Variants in MAP7 observed in about 807,000 individuals in gnomAD.
MAP7 encodes microtubule associated protein 7, also known as ensconsin.
MAP7 carries 52 observed loss-of-function variants against 94.8 expected under a neutral mutation model. The ratio of observed to expected loss-of-function variants is 0.55; its 90% confidence interval spans 0.44 to 0.69. The LOEUF (loss-of-function observed/expected upper bound fraction) is 0.69, where lower values mean the gene tolerates loss of function less well. Ranked by LOEUF, MAP7 falls within the 30% of genes least tolerant of loss-of-function variation. The pLI is 0.00. For missense variants in MAP7, 940 were observed against 964.6 expected (o/e 0.97, Z 0.34); for synonymous variants, 350 against 357.0 (o/e 0.98, Z 0.22).
intron 8 of MAP7, among the ~76,000 whole-genome samples, chr6:136,369,591 G>C (rs1357609221): frequency 6.6e-6 from 1 of 150,836 alleles, no homozygotes; most frequent in East Asian, 1.9e-4. Flanking sequence ...AAGATATATA[G>C]ACCAATGGAA....
chr6:136,360,573 C>G, intron 13 of MAP7, 124 bp downstream of exon 13: 1 of 758,226 alleles, frequency 1.3e-6, no homozygotes, highest in South Asian at 1.7e-5. Flanking sequence ...AGATTGTTAT[C>G]ACTGAGGGGG....
In MAP7 at chr6:136,550,399, G is replaced by C. The variant is rs1263527422; in HGVS notation, c.10C>G (p.Leu4Val). ...CTGTGGCCGTCGCCGCCAGCTCCTA[G>C]CTCCGCCATGGTGCTCCGATGACGC... is the stretch of plus-strand genomic sequence containing the variant. MAE[L>V]GAGGDGHRGG... Residue 4 changes from leucine to valine, a missense_variant, in exon 1 of 18, where the codon CTA becomes GTA. By Grantham distance (32) the Leu-to-Val change is conservative. Coordinates refer to ENST00000354570, the MANE Select transcript of MAP7 (RefSeq NM_003980.6). The surrounding 1 kb of genome is among the most constrained non-coding windows in gnomAD (Gnocchi z 5.1). 3 of 1,526,508 alleles carry C rather than the reference G, an allele frequency of 2.0e-6. No individual in the cohort carries two copies. The highest frequency in any genetic ancestry group is 2.6e-6 in the Non-Finnish European group (3 of 1,144,920). The allele number at this position is 1,526,508 out of a possible 1,614,324, so 94.6% of individuals were successfully genotyped here. A position where few individuals can be genotyped will look rare whatever the true frequency, so the allele number is the denominator to read the frequency against.
In MAP7 at chr6:136,344,243, A is replaced by G; in HGVS notation, c.2240-5T>C. The G allele has an allele frequency of 7.5e-7, 1 of 1,325,882 alleles. No homozygotes were observed. 82.1% of individuals were successfully genotyped at this position (1,325,882 alleles called of 1,614,324 possible). ...GAAGAAACACTCATATAACTTCTAC[A>G]TGAAGAGACAGAAAAAGAACAAGAT... On this transcript the variant is annotated splice_region_variant and splice_polypyrimidine_tract_variant and intron_variant, in intron 17 of 17. Transcript: ENST00000354570.
At chr6:136,344,371 A>G (rs1224567247) in intron 17 of MAP7, 133 bp from the exon 18 acceptor site, 2 of 371,040 alleles carry the variant, frequency 5.4e-6, no homozygotes, top group Non-Finnish European at 9.6e-6. Flanking sequence ...AAGAATAGGC[A>G]ATTCTGTTAG....
chr6:136,358,956 C>T (rs1185951470), intron 15 of MAP7, among the ~76,000 whole-genome samples: 1 of 152,178 alleles, frequency 6.6e-6, no homozygotes, highest in African/African-American at 2.4e-5. Context: ...CACTGAATCC[C>T]AGCCCTATAA....
chr6:136,361,051 T>C lies in MAP7; in HGVS notation c.1655A>G (p.Glu552Gly), dbSNP rs1792565671. ...CTCCTCCCGCTCGCGCAGCGCCCGCTCCTCCGCCTGCCGCTGCAGCTGCTC... is the reference window on the plus strand; with the variant it reads ...CTCCTCCCGCTCGCGCAGCGCCCGCCCCTCCGCCTGCCGCTGCAGCTGCTC... ...KEEQLQRQAEERALREREEAE... is the reference protein window; with the variant it reads ...KEEQLQRQAEGRALREREEAE... The change falls in exon 12 of 18, where the codon GAG becomes GGG. Residue 552 changes from glutamate to glycine, a missense_variant. Coordinates refer to ENST00000354570, the MANE Select transcript of MAP7 (RefSeq NM_003980.6). 3.8e-6 allele frequency: 6 copies of C among 1,591,114 alleles called. No homozygotes were observed. The East Asian group carries it at 1.1e-4, about 30-fold the overall frequency.
intron 1 of MAP7, among the ~76,000 whole-genome samples, chr6:136,441,634 C>A (rs1017378898): frequency 6.6e-6 from 1 of 152,124 alleles, no homozygotes; most frequent in Non-Finnish European, 1.5e-5. Context: ...GGGCATGAAA[C>A]TTCAGAGTTT....
chr6:136,547,095 G>A (rs1404394441), intron 1 of MAP7, among the ~76,000 whole-genome samples: 1 of 152,164 alleles, frequency 6.6e-6, no homozygotes, highest in Non-Finnish European at 1.5e-5. Flanking sequence ...TTATTTAATT[G>A]CAGATATTTA....
At chr6:136,490,990 C>G (rs1342568385) in intron 1 of MAP7, among the ~76,000 whole-genome samples, 1 of 152,162 alleles carries the variant, frequency 6.6e-6, no homozygotes, top group Non-Finnish European at 1.5e-5. Context: ...AAGACTTTGG[C>G]ATTACTGTTG....
At chr6:136,366,124 G>A (rs1794255973) in intron 9 of MAP7, 106 bp from the exon 10 acceptor site, 1 of 1,248,956 alleles carries the variant, frequency 8.0e-7, no homozygotes, top group South Asian at 1.5e-5. Context: ...TTAGCTCCGT[G>A]TATTTGTTTT....
At chr6:136,525,548 T>A (rs142329909) in intron 1 of MAP7, among the ~76,000 whole-genome samples, 67 of 152,348 alleles carry the variant, frequency 4.4e-4, no homozygotes, top group African/African-American at 1.6e-3. Flanking sequence ...GACTGGTCAC[T>A]GCTGAAGTGA....
chr6:136,395,605 G>A (rs1782237892), intron 3 of MAP7, among the ~76,000 whole-genome samples: 1 of 151,876 alleles, frequency 6.6e-6, no homozygotes, highest in Non-Finnish European at 1.5e-5. Flanking sequence ...CTTTGCTTTT[G>A]AGGTCTTACC....
intron 1 of MAP7, among the ~76,000 whole-genome samples, chr6:136,442,797 C>A (rs758048315): frequency 8.5e-5 from 13 of 152,194 alleles, no homozygotes; most frequent in Non-Finnish European, 1.3e-4. Flanking sequence ...ATCCCCTAGA[C>A]CATCTGCCTT....
rs146714665 is a variant in MAP7, at chr6:136,515,440, T to G, written c.67+34902A>C. Among the ~76,000 whole-genome samples the G allele has an allele frequency of 1.8e-3, 278 of 152,380 alleles. 2 individuals carry two copies. Among genetic ancestry groups the G allele is most frequent in the African/African-American group, 6.2e-3 (258 of 41,596 alleles). On this transcript the variant is annotated intron_variant, in intron 1 of 17. Coordinates refer to ENST00000354570, the MANE Select transcript of MAP7 (RefSeq NM_003980.6). ...TCTTGGCTGTTTGGCGCAAGAGGCC[T>G]AGCTCTCAGCCTATCTAGGCTTTCA...
At chr6:136,363,209 T>C (rs1582677316) in intron 10 of MAP7, among the ~76,000 whole-genome samples, 1 of 152,216 alleles carries the variant, frequency 6.6e-6, no homozygotes, top group East Asian at 1.9e-4. Flanking sequence ...AGGTCTGAGA[T>C]GGGAGGAGCT....
At position 136,510,157 on chromosome 6, in the gene MAP7, G is replaced by A. The variant is rs75602314; in HGVS notation, c.67+40185C>T. On this transcript the variant is annotated intron_variant, in intron 1 of 17. Transcript: ENST00000354570. ...GTGGAGGTTGCAGTGAGCCAAGATCGTGCCACTGTACTTCCAGCCTGGGCA... is the reference window on the plus strand; with the variant it reads ...GTGGAGGTTGCAGTGAGCCAAGATCATGCCACTGTACTTCCAGCCTGGGCA... Among the ~76,000 whole-genome samples the A allele has an allele frequency of 0.013, 1,994 of 152,280 alleles. 83 individuals are homozygous for A. The East Asian group carries it at 0.14, about 10-fold the overall frequency.
At chr6:136,413,323 G>T (rs1371738369) in intron 2 of MAP7, among the ~76,000 whole-genome samples, 1 of 152,052 alleles carries the variant, frequency 6.6e-6, no homozygotes, top group Non-Finnish European at 1.5e-5. Context: ...AGGAGTTCAA[G>T]ACCAGCCTGG....
chr6:136,367,078 T>A (rs1429073629), intron 8 of MAP7, among the ~76,000 whole-genome samples: 1 of 152,334 alleles, frequency 6.6e-6, no homozygotes, highest in South Asian at 2.1e-4. Flanking sequence ...TGCTCTTCCT[T>A]ACCAGGAATA....
At position 136,366,363 on chromosome 6, in the gene MAP7, T is replaced by C. The variant is rs1280628675; in HGVS notation, c.953A>G (p.Asn318Ser). The C allele has an allele frequency of 6.2e-7, 1 of 1,614,202 alleles. No homozygotes were observed. The highest frequency in any genetic ancestry group is 8.5e-7 in the Non-Finnish European group (1 of 1,180,028). ...GCGAGCTGGTTGTCTTGCTTTGGGA[T>C]TAGATGGAGATACAGCCCTTCGGGT... is the stretch of plus-strand genomic sequence containing the variant. ...SGTRRAVSPS[N>S]PKARQPARSR... The change falls in exon 9 of 18, where the codon AAT becomes AGT. Residue 318 changes from asparagine to serine, a missense_variant. By Grantham distance (46) the Asn-to-Ser change is conservative. Transcript: ENST00000354570.
Sources: allele counts gnomAD v4.1 joint callset (sites outside exome capture counted in the v4.1 genomes callset), GRCh38; gene constraint gnomAD v4.1.1; non-coding constraint Gnocchi (gnomAD v3.1); transcripts MANE v1.5; gene names NCBI Gene and HGNC (gene_info 2026-07-23, HGNC 2026-07-21).